The following MAP4K3 variants were observed in gnomAD, a reference collection of about 807,000 sequenced individuals.
MAP4K3 encodes MAPK/ERK kinase kinase kinase 3.
Under a neutral mutation model 143.5 loss-of-function variants are expected in MAP4K3, and 94 were observed. That is an observed-to-expected ratio of 0.65 (90% CI 0.55 to 0.78). The LOEUF (loss-of-function observed/expected upper bound fraction) is 0.78. MAP4K3 is among the 30% of genes least tolerant of loss of function. The pLI, the probability that MAP4K3 is intolerant of heterozygous loss-of-function variation, is 0.00. For missense variants in MAP4K3, 1,077 were observed against 1,068.1 expected (o/e 1.01, Z -0.12); for synonymous variants, 416 against 347.2 (o/e 1.20, Z -2.20).
chr2:39,374,157 G>A (rs1386310227), intron 2 of MAP4K3, among the ~76,000 whole-genome samples: 2 of 152,146 alleles, frequency 1.3e-5, no homozygotes, highest in East Asian at 1.9e-4. Context: ...CCAGGCAGGC[G>A]GATCACTTGA....
intron 20 of MAP4K3, 115 bp downstream of exon 20, chr2:39,288,006 G>A (rs1286841140): frequency 7.7e-7 from 1 of 1,291,874 alleles, no homozygotes; most frequent in Admixed American, 2.1e-5. Flanking sequence ...CATAGCCACT[G>A]CTTTCCTTCT....
chr2:39,258,675 C>T, intron 29 of MAP4K3, 88 bp from the exon 30 acceptor site: 4 of 951,312 alleles, frequency 4.2e-6, no homozygotes, highest in Non-Finnish European at 6.8e-6. Flanking sequence ...CTGAGGATAA[C>T]AATACTTGAA....
chr2:39,335,415 A>G (rs1664912875), intron 6 of MAP4K3, among the ~76,000 whole-genome samples: 1 of 152,120 alleles, frequency 6.6e-6, no homozygotes, highest in African/African-American at 2.4e-5. Flanking sequence ...AATCAAATCA[A>G]CCCAATTAGG....
chr2:39,323,680 T>C (rs1683394571), intron 12 of MAP4K3: 1 of 152,008 alleles, frequency 6.6e-6, no homozygotes, highest in Non-Finnish European at 1.5e-5. Flanking sequence ...ATATGACAAT[T>C]TGCCAAGGCA....
chr2:39,332,890 AATAG>A (rs1683725429), intron 7 of MAP4K3, among the ~76,000 whole-genome samples: 1 of 152,064 alleles, frequency 6.6e-6, no homozygotes, highest in South Asian at 2.1e-4. Context: ...GGGTTTATCT[AATAG>A]ATATAGTTTA....
intron 1 of MAP4K3, among the ~76,000 whole-genome samples, chr2:39,419,936 A>ATGGGGACAGGCAAAAGCAAGGTG (rs1667499667): frequency 6.6e-6 from 1 of 152,232 alleles, no homozygotes; most frequent in Non-Finnish European, 1.5e-5. Context: ...AAAGCAAGGT[A>ATGGGGACAGGCAAAAGCAAGGTG]TGGAAACGGA....
chr2:39,304,242 G>A (rs1682612845), intron 15 of MAP4K3, among the ~76,000 whole-genome samples: 1 of 150,832 alleles, frequency 6.6e-6, no homozygotes, highest in East Asian at 1.9e-4. Context: ...AATAAAAACA[G>A]TTGGCATTTA....
At chr2:39,289,682 G>A (rs1295506252) in intron 19 of MAP4K3, among the ~76,000 whole-genome samples, 1 of 152,164 alleles carries the variant, frequency 6.6e-6, no homozygotes, top group Non-Finnish European at 1.5e-5. Flanking sequence ...CAGATTTTGA[G>A]AAAAACAATC....
intron 8 of MAP4K3, among the ~76,000 whole-genome samples, chr2:39,326,530 C>T (rs1464592304): frequency 2.6e-5 from 4 of 152,028 alleles, no homozygotes; most frequent in Admixed American, 6.5e-5. Context: ...TTGCCTCAGA[C>T]GAGACTTTGG....
chr2:39,384,248 C>T (rs778309396), intron 1 of MAP4K3, among the ~76,000 whole-genome samples: 10 of 152,246 alleles, frequency 6.6e-5, no homozygotes, highest in East Asian at 1.9e-4. Context: ...CACTGTCGGC[C>T]GGGCATGGTG....
chr2:39,362,546 G>A (rs563002583), intron 2 of MAP4K3, among the ~76,000 whole-genome samples: 5 of 152,232 alleles, frequency 3.3e-5, no homozygotes, highest in African/African-American at 4.8e-5. Context: ...ATTACAAAAC[G>A]TTTAATTAGA....
intron 2 of MAP4K3, among the ~76,000 whole-genome samples, chr2:39,372,603 G>A (rs563618468): frequency 1.3e-3 from 194 of 152,028 alleles, no homozygotes; most frequent in Non-Finnish European, 1.9e-3. Context: ...ATAGATCAGT[G>A]AACAGAATGG....
chr2:39,376,935 A>T (rs1419565712), intron 2 of MAP4K3, among the ~76,000 whole-genome samples: 1 of 152,198 alleles, frequency 6.6e-6, no homozygotes, highest in African/African-American at 2.4e-5. Context: ...CAGAAAAAAG[A>T]TAAACATCTT....
rs560532695 is a variant in MAP4K3 at position 39,345,702 on chromosome 2, G to A, written c.246-2250C>T. ...TGGGAGGCCGAGGCGGGCGGATCACGAGGTCAGGAGATCGAGACCATCCTG... is the reference window on the plus strand; with the variant it reads ...TGGGAGGCCGAGGCGGGCGGATCACAAGGTCAGGAGATCGAGACCATCCTG... On this transcript the variant is annotated intron_variant, in intron 3 of 33. Coordinates refer to ENST00000263881, the MANE Select transcript of MAP4K3 (RefSeq NM_003618.4). Among the ~76,000 whole-genome samples, 8 of 151,996 alleles carry A rather than the reference G, an allele frequency of 5.3e-5. No individual in the cohort carries two copies. In the South Asian group the frequency reaches 6.2e-4, roughly 12 times the overall value.
intron 19 of MAP4K3, among the ~76,000 whole-genome samples, chr2:39,289,340 T>G (rs1681933728): frequency 6.6e-6 from 1 of 152,148 alleles, no homozygotes; most frequent in African/African-American, 2.4e-5. Flanking sequence ...ATAAAAATAG[T>G]AATAAACCGA....
At chr2:39,320,186 T>G (rs1683255896) in intron 12 of MAP4K3, among the ~76,000 whole-genome samples, 1 of 152,144 alleles carries the variant, frequency 6.6e-6, no homozygotes, top group Admixed American at 6.5e-5. Flanking sequence ...TATAAATAAA[T>G]AGTCAAAAAT....
chr2:39,288,433 ACTAT>A (rs569189214), intron 19 of MAP4K3, among the ~76,000 whole-genome samples, 153 bp from the exon 20 acceptor site: 280 of 152,320 alleles, frequency 1.8e-3, no homozygotes, highest in African/African-American at 6.3e-3. Context: ...TCCAATTCAG[ACTAT>A]CTTATTGTTT....
At chr2:39,413,395 C>A (rs897234106) in intron 1 of MAP4K3, among the ~76,000 whole-genome samples, 1 of 152,052 alleles carries the variant, frequency 6.6e-6, no homozygotes, top group African/African-American at 2.4e-5. Context: ...GGAAAGGGGG[C>A]AATTAAGGCA....
chr2:39,378,938 G>A (rs1666291447), intron 1 of MAP4K3, among the ~76,000 whole-genome samples: 1 of 151,524 alleles, frequency 6.6e-6, no homozygotes, highest in Non-Finnish European at 1.5e-5. Flanking sequence ...ATATTAAAAT[G>A]GCAGTAAGTC....
Sources: allele counts gnomAD v4.1 joint callset (sites outside exome capture counted in the v4.1 genomes callset), GRCh38; gene constraint gnomAD v4.1.1; transcripts MANE v1.5; gene names NCBI Gene and HGNC (gene_info 2026-07-23, HGNC 2026-07-21).